TRPV3: variants seen among roughly 807,000 people sequenced by gnomAD.
TRPV3 encodes VRL-3.
A neutral mutation model predicts 87.1 loss-of-function variants in TRPV3; 88 were observed. The ratio of observed to expected loss-of-function variants is 1.01; its 90% CI spans 0.85 to 1.21. TRPV3 has a LOEUF of 1.21. Ranked by LOEUF, TRPV3 falls within the 50% of genes most tolerant of loss-of-function variation. TRPV3 has a pLI of 0.00. For missense variants in TRPV3, 1,054 were observed against 1,030.1 expected (o/e 1.02, Z -0.32); for synonymous variants, 438 against 423.3 (o/e 1.03, Z -0.43).
chr17:3,551,270 A>T (rs1321263839), intron 2 of TRPV3, among the ~76,000 whole-genome samples: 1 of 151,978 alleles, frequency 6.6e-6, no homozygotes, highest in Non-Finnish European at 1.5e-5. Context: ...TTGGGCAAAG[A>T]CCTAACTCCT....
At chr17:3,515,858 C>T (rs575318048) in intron 16 of TRPV3, among the ~76,000 whole-genome samples, 17 of 152,130 alleles carry the variant, frequency 1.1e-4, no homozygotes, top group African/African-American at 4.1e-4. Flanking sequence ...AACCAGATAG[C>T]GAACACAGAG....
At chr17:3,529,449 T>C (rs2074329357) in intron 9 of TRPV3, among the ~76,000 whole-genome samples, 1 of 152,020 alleles carries the variant, frequency 6.6e-6, no homozygotes, top group African/African-American at 2.4e-5. Flanking sequence ...CTGGGAAGCA[T>C]GACTCTTAGT....
intron 11 of TRPV3, chr17:3,527,671 T>C (rs2074311849): frequency 6.3e-6 from 2 of 317,856 alleles, no homozygotes; most frequent in Non-Finnish European, 6.0e-6. Flanking sequence ...GATAGAAGGA[T>C]GGTCGGTAAG....
Position 3,524,319 on chromosome 17 carries a change from A to C in TRPV3, c.1622T>G (p.Leu541Trp), listed in dbSNP as rs764913664. 6.2e-7 allele frequency: 1 copy of C among 1,614,130 alleles called. No individual in the cohort carries two copies. Among genetic ancestry groups the C allele is most frequent in the African/African-American group, 1.3e-5 (1 of 74,942 alleles). Residue 541 changes from leucine (L) to tryptophan (W), a missense_variant, in exon 13 of 18, where the codon TTG becomes TGG. Coordinates refer to ENST00000576742, the MANE Select transcript of TRPV3 (RefSeq NM_145068.4). Reference sequence around the variant, plus strand: ...GGCGAGGTACTCTTTGTAGGCAAACAAGTACAAGAAGACAGACAGTATCAC... The same window carrying C: ...GGCGAGGTACTCTTTGTAGGCAAACCAGTACAAGAAGACAGACAGTATCAC... ...VLVILSVFLY[L>W]FAYKEYLACL...
At chr17:3,549,896 A>C (rs1241290208) in intron 2 of TRPV3, among the ~76,000 whole-genome samples, 3 of 150,404 alleles carry the variant, frequency 2.0e-5, no homozygotes, top group African/African-American at 7.4e-5. Context: ...TGGATGGAGG[A>C]TGGGATGGGT....
At chr17:3,525,168 C>T (rs113817958) in intron 12 of TRPV3, among the ~76,000 whole-genome samples, 123 of 151,330 alleles carry the variant, frequency 8.1e-4, no homozygotes, top group Admixed American at 4.0e-3. Flanking sequence ...TACAGGCACC[C>T]GCCACCACAC....
chr17:3,534,389 C>G (rs894524761), intron 7 of TRPV3, among the ~76,000 whole-genome samples: 10 of 151,816 alleles, frequency 6.6e-5, no homozygotes, highest in African/African-American at 1.2e-4. Flanking sequence ...AGTGAGACTC[C>G]ATTAAAAAAA....
intron 6 of TRPV3, among the ~76,000 whole-genome samples, chr17:3,535,956 C>A (rs1231812001): frequency 6.6e-6 from 1 of 152,214 alleles, no homozygotes; most frequent in South Asian, 2.1e-4. Context: ...AGTGGGTGCC[C>A]AAGACGCAAT....
chr17:3,515,022 G>T (rs2074164962), intron 16 of TRPV3, among the ~76,000 whole-genome samples: 1 of 152,154 alleles, frequency 6.6e-6, no homozygotes, highest in Admixed American at 6.5e-5. Flanking sequence ...GAGGGCCCGG[G>T]CCACGAGGGT....
chr17:3,554,867 C>T lies in TRPV3; in HGVS notation c.-2-15G>A. ...GGCTTTCATGGCTGGAATACAACCA[C>T]AGGGCAGATGCTCAGGCCGGGGGGA... is the stretch of plus-strand genomic sequence containing the variant. On this transcript the variant is annotated splice_polypyrimidine_tract_variant and intron_variant, in intron 1 of 17. Coordinates refer to ENST00000576742, the MANE Select transcript of TRPV3 (RefSeq NM_145068.4). The T allele has an allele frequency of 6.3e-7, 1 of 1,581,420 alleles. No individual in the cohort carries two copies.
intron 6 of TRPV3, among the ~76,000 whole-genome samples, chr17:3,537,892 TA>T (rs1161250971): frequency 0.017 from 1,699 of 101,462 alleles, 43 homozygotes; most frequent in African/African-American, 0.091. Flanking sequence ...TCTGTCTTTT[TA>T]AAAAAAAAAA....
chr17:3,554,679 C>G lies in TRPV3; in HGVS notation c.119+53G>C, dbSNP rs1398386772. 5.4e-6 allele frequency: 7 copies of G among 1,290,510 alleles called. No homozygotes were observed. The South Asian group carries it at 9.2e-5, about 17-fold the overall frequency. The allele number at this position is 1,290,510 out of a possible 1,614,324, so 79.9% of individuals were successfully genotyped here. A position where few individuals can be genotyped will look rare whatever the true frequency, so the allele number is the denominator to read the frequency against. On this transcript the variant is annotated intron_variant, in intron 2 of 17. Transcript: ENST00000576742. ...GCTCCCTGGGGGGGTGCCAGGCCCC[C>G]ACTCGTGCCCCTCACAGTGCCGCAG...
chr17:3,548,936 C>T (rs1450945432), intron 2 of TRPV3, among the ~76,000 whole-genome samples: 1 of 152,130 alleles, frequency 6.6e-6, no homozygotes, highest in Non-Finnish European at 1.5e-5. Context: ...TGGGATCGTC[C>T]TCTTATGGAA....
At chr17:3,535,739 G>A in intron 6 of TRPV3, 26 bp from the exon 7 acceptor site, 1 of 1,453,338 alleles carries the variant, frequency 6.9e-7, no homozygotes. Flanking sequence ...GGACGCGCGG[G>A]AGCCTCAGCG....
chr17:3,514,533 G>A (rs1481718382), intron 17 of TRPV3, 60 bp downstream of exon 17: 2 of 1,280,152 alleles, frequency 1.6e-6, no homozygotes, highest in Non-Finnish European at 2.3e-6. Flanking sequence ...GACTTGATCT[G>A]CCCAAGGTTA....
At position 3,551,870 on chromosome 17, in the gene TRPV3, CTTTTTTTT is replaced by C. The variant is rs747932928; in HGVS notation, c.119+2854_119+2861del. On this transcript the variant is annotated intron_variant, in intron 2 of 17. Coordinates refer to ENST00000576742, the MANE Select transcript of TRPV3 (RefSeq NM_145068.4). The stretch of plus-strand genomic sequence containing the variant: ...CCTCTTTCTTCACCTGTAATTTATT[CTTTTTTTT>C]TTTTTTTTTTTTTTTTTTTTTGGAG... Among the ~76,000 whole-genome samples the C allele has an allele frequency of 7.5e-3, 324 of 43,344 alleles. 13 individuals carry two copies. The Admixed American group carries it at 0.086, about 12-fold the overall frequency. 28.4% of individuals were successfully genotyped at this position (43,344 alleles called of 152,430 possible). A position where few individuals can be genotyped will look rare whatever the true frequency, so the allele number is the denominator to read the frequency against.
intron 2 of TRPV3, among the ~76,000 whole-genome samples, chr17:3,548,815 G>A (rs2074547533): frequency 6.6e-6 from 1 of 152,188 alleles, no homozygotes; most frequent in South Asian, 2.1e-4. Context: ...TCTGCCTCCT[G>A]TATGACCCCA....
chr17:3,532,200 T>C (rs1452597570), intron 8 of TRPV3, among the ~76,000 whole-genome samples: 1 of 152,244 alleles, frequency 6.6e-6, no homozygotes, highest in Non-Finnish European at 1.5e-5. Flanking sequence ...CACTCTTGGC[T>C]GGGGACCTGG....
At position 3,543,634 on chromosome 17, in the gene TRPV3, G is replaced by A. The variant is rs375120852; in HGVS notation, c.312-6C>T. On this transcript the variant is annotated splice_polypyrimidine_tract_variant and splice_region_variant and intron_variant, in intron 4 of 17. Coordinates refer to ENST00000576742, the MANE Select transcript of TRPV3 (RefSeq NM_145068.4). Reference sequence around the variant, plus strand: ...CTTCCTTGGCCAGCTGTGCACTGAAGCCAGAAAATGTTTCCAACTCAACAC... The same window carrying A: ...CTTCCTTGGCCAGCTGTGCACTGAAACCAGAAAATGTTTCCAACTCAACAC... 1 of 1,613,676 alleles carries A rather than the reference G, an allele frequency of 6.2e-7. No individual in the cohort carries two copies. Among genetic ancestry groups the A allele is most frequent in the Non-Finnish European group, 8.5e-7 (1 of 1,179,868 alleles).
Sources: allele counts gnomAD v4.1 joint callset (sites outside exome capture counted in the v4.1 genomes callset), GRCh38; gene constraint gnomAD v4.1.1; transcripts MANE v1.5; gene names NCBI Gene and HGNC (gene_info 2026-07-23, HGNC 2026-07-21).